Variants in SPAG16 observed in about 807,000 individuals in gnomAD.
SPAG16 encodes the protein sperm-associated antigen 16 protein.
Under a neutral mutation model 80.4 loss-of-function variants are expected in SPAG16, and 86 were observed. That is an observed-to-expected ratio of 1.07 (90% CI 0.90 to 1.28). SPAG16 has a LOEUF of 1.28. Among genes scored for constraint, SPAG16 ranks in the 50% most tolerant of loss-of-function variants. The pLI is 0.00. For missense variants in SPAG16, 870 were observed against 765.3 expected (o/e 1.14, Z -1.61); for synonymous variants, 294 against 265.9 (o/e 1.11, Z -1.03).
chr2:213,706,124 G>A (rs2065742392), intron 10 of SPAG16, among the ~76,000 whole-genome samples: 1 of 152,180 alleles, frequency 6.6e-6, no homozygotes, highest in Admixed American at 6.5e-5. Context: ...TGGTTATTGT[G>A]CACAACCACA....
chr2:213,553,362 C>G (rs1366022954), intron 10 of SPAG16, among the ~76,000 whole-genome samples: 18 of 152,018 alleles, frequency 1.2e-4, no homozygotes, highest in Non-Finnish European at 1.5e-4. Context: ...ACCTGAGATG[C>G]CAGAAGAAAG....
At chr2:213,379,251 C>G (rs940580594) in intron 9 of SPAG16, among the ~76,000 whole-genome samples, 1 of 152,126 alleles carries the variant, frequency 6.6e-6, no homozygotes, top group African/African-American at 2.4e-5. Context: ...AACCATGAAT[C>G]CTGGCTATGG....
chr2:213,690,310 G>A (rs2064885570), intron 10 of SPAG16, among the ~76,000 whole-genome samples: 1 of 152,200 alleles, frequency 6.6e-6, no homozygotes, highest in African/African-American at 2.4e-5. Context: ...GGAAGTCCAA[G>A]GTCAAGTCAC....
At chr2:213,663,218 T>C (rs2063487101) in intron 10 of SPAG16, among the ~76,000 whole-genome samples, 1 of 152,122 alleles carries the variant, frequency 6.6e-6, no homozygotes, top group East Asian at 1.9e-4. Flanking sequence ...AAAAATTCTA[T>C]AGTGAGTTCT....
At chr2:213,356,813 C>A (rs985203923) in intron 7 of SPAG16, among the ~76,000 whole-genome samples, 5 of 152,038 alleles carry the variant, frequency 3.3e-5, no homozygotes, top group South Asian at 2.1e-4. Context: ...TTTGTTCTTG[C>A]TTCTCTAGTT....
chr2:213,603,310 T>A (rs978468456), intron 10 of SPAG16, among the ~76,000 whole-genome samples: 1 of 152,246 alleles, frequency 6.6e-6, no homozygotes, highest in Admixed American at 6.5e-5. Context: ...TATCACAAAT[T>A]TGAAAGGAAA....
intron 10 of SPAG16, among the ~76,000 whole-genome samples, chr2:213,738,943 G>T (rs1200336882): frequency 1.3e-5 from 2 of 152,154 alleles, no homozygotes; most frequent in Non-Finnish European, 2.9e-5. Context: ...GAGAGTGACT[G>T]TTCTGCTCAT....
chr2:213,698,951 G>A (rs2065279176), intron 10 of SPAG16, among the ~76,000 whole-genome samples: 1 of 152,154 alleles, frequency 6.6e-6, no homozygotes, highest in Admixed American at 6.5e-5. Flanking sequence ...CATAGTACCT[G>A]GCATATAGGG....
chr2:213,732,350 G>T lies in SPAG16; in HGVS notation c.1071-130135G>T, dbSNP rs2067088954. ...CGATTGCCCCCCCCGCAAAAAAAAT[G>T]CCCAGGAATACAGGTAACAAAGAAA... On this transcript the variant is annotated intron_variant, in intron 10 of 15. Coordinates refer to ENST00000331683, the MANE Select transcript of SPAG16 (RefSeq NM_024532.5). Among the ~76,000 whole-genome samples, 4 of 146,422 alleles carry T rather than the reference G, an allele frequency of 2.7e-5. No homozygotes were observed. The Admixed American group carries it at 2.7e-4, about 10-fold the overall frequency.
At chr2:214,113,358 T>C (rs1182282207) in intron 14 of SPAG16, among the ~76,000 whole-genome samples, 1 of 152,190 alleles carries the variant, frequency 6.6e-6, no homozygotes, top group Non-Finnish European at 1.5e-5. Flanking sequence ...AATTTGAATG[T>C]TGTTGAATGC....
chr2:213,678,939 G>C (rs1574776838), intron 10 of SPAG16, among the ~76,000 whole-genome samples: 1 of 152,120 alleles, frequency 6.6e-6, no homozygotes, highest in Non-Finnish European at 1.5e-5. Flanking sequence ...CTCCTGTCAA[G>C]ACTTGTAGGA....
chr2:213,380,429 C>T (rs1315758623), intron 9 of SPAG16, among the ~76,000 whole-genome samples: 1 of 152,182 alleles, frequency 6.6e-6, no homozygotes, highest in African/African-American at 2.4e-5. Flanking sequence ...GGCAGGGTGA[C>T]AGGAATGGAG....
intron 10 of SPAG16, among the ~76,000 whole-genome samples, chr2:213,672,859 G>GTTTTTTTTTTTTTTTTTTTT (rs750046794): frequency 8.0e-6 from 1 of 124,422 alleles, no homozygotes; most frequent in Non-Finnish European, 1.7e-5. Context: ...TATTTTGTTT[G>GTTTTTTTTTTTTTTTTTTTT]TTTTTTTTTT....
chr2:214,352,558 C>CTGCGTGTGTGTGTGTGTG (rs1698486810), intron 15 of SPAG16, among the ~76,000 whole-genome samples: 1 of 142,468 alleles, frequency 7.0e-6, no homozygotes, highest in East Asian at 2.1e-4. Context: ...CTTTTTTTCT[C>CTGCGTGTGTGTGTGTGTG]TGTGTGTGTG....
intron 15 of SPAG16, among the ~76,000 whole-genome samples, chr2:214,252,393 C>T (rs913375119): frequency 6.6e-6 from 1 of 151,628 alleles, no homozygotes; most frequent in African/African-American, 2.4e-5. Context: ...TTTGCTGCAC[C>T]CATCAACCCA....
intron 10 of SPAG16, among the ~76,000 whole-genome samples, chr2:213,851,840 GCTCCACT>G (rs1466838417): frequency 2.6e-5 from 4 of 152,186 alleles, no homozygotes; most frequent in Non-Finnish European, 5.9e-5. Flanking sequence ...CTGTAAGAAT[GCTCCACT>G]CTAGTAAAAA....
intron 11 of SPAG16, among the ~76,000 whole-genome samples, chr2:213,927,604 TTA>T (rs1407115676): frequency 2.0e-5 from 3 of 152,218 alleles, no homozygotes; most frequent in African/African-American, 7.2e-5. Context: ...TATTAAAAAC[TTA>T]TGGGAATATT....
At chr2:214,022,070 C>T (rs1046089043) in intron 13 of SPAG16, among the ~76,000 whole-genome samples, 8 of 152,030 alleles carry the variant, frequency 5.3e-5, no homozygotes, top group Admixed American at 5.3e-4. Flanking sequence ...GAACTTTGTA[C>T]CCCGTAGAAT....
intron 10 of SPAG16, among the ~76,000 whole-genome samples, chr2:213,800,954 C>T (rs1295858264): frequency 6.6e-6 from 1 of 152,154 alleles, no homozygotes; most frequent in Non-Finnish European, 1.5e-5. Flanking sequence ...CATTATATTT[C>T]TAGCTTTATT....
Sources: gnomAD v4.1 joint callset for allele counts (sites outside exome capture counted in the v4.1 genomes callset) on GRCh38, gnomAD v4.1.1 for gene constraint, MANE v1.5 for transcripts, NCBI Gene and HGNC (gene_info 2026-07-23, HGNC 2026-07-21) for gene names.